LRRFIP1: variants seen among roughly 807,000 people sequenced by gnomAD.
LRRFIP1 encodes the protein leucine-rich repeat flightless-interacting protein 1.
In LRRFIP1, 62 loss-of-function variants were observed where a neutral mutation model predicts 104.4. The observed-to-expected ratio is 0.59, with a 90% confidence interval of 0.48 to 0.73. The LOEUF (loss-of-function observed/expected upper bound fraction) is 0.73, where lower values mean the gene tolerates loss of function less well. LRRFIP1 is among the 30% of genes least tolerant of loss of function. The probability of loss-of-function intolerance (pLI) is 0.00; values close to 1 mark genes in which losing one functional copy is unlikely to be tolerated. For missense variants in LRRFIP1, 796 were observed against 824.5 expected, an observed-to-expected ratio of 0.97 and a Z score of 0.42; for synonymous variants, 300 against 299.0, an observed-to-expected ratio of 1.00 and a Z score of -0.03.
chr2:237,777,049 A>C (rs1219811439), intron 23 of LRRFIP1, among the ~76,000 whole-genome samples: 1 of 152,170 alleles, frequency 6.6e-6, no homozygotes, highest in East Asian at 1.9e-4. Context: ...AAAAAAATTA[A>C]AGTTGAACAC....
chr2:237,727,992 A>G (rs926723151), intron 8 of LRRFIP1, 57 bp downstream of exon 8: 2 of 1,280,328 alleles, frequency 1.6e-6, no homozygotes, highest in African/African-American at 3.0e-5. Flanking sequence ...CAAAGCTTCT[A>G]GAACTAAAAA....
rs921505101 is a variant in LRRFIP1 at position 237,649,169 on chromosome 2, G to A, written c.96+21429G>A. ...CCAGCCTCAGAGCCCCGTTCTCTGT[G>A]ACCTGGCTGGGTCAAAGCCTGGCCC... On this transcript the variant is annotated intron_variant, in intron 1 of 23. Transcript: ENST00000308482. The surrounding 1 kb of genome is among the most constrained non-coding windows in gnomAD (Gnocchi z 4.1). Among the ~76,000 whole-genome samples the A allele has an allele frequency of 6.6e-6, 1 of 151,790 alleles. No individual in the cohort carries two copies. Among genetic ancestry groups the A allele is most frequent in the Non-Finnish European group, 1.5e-5 (1 of 67,886 alleles).
intron 1 of LRRFIP1, among the ~76,000 whole-genome samples, chr2:237,690,572 A>G (rs1298580206): frequency 6.6e-6 from 1 of 152,044 alleles, no homozygotes; most frequent in African/African-American, 2.4e-5. Flanking sequence ...CCCCGACTCT[A>G]CTAAAAATAC....
At chr2:237,652,606 A>G (rs2029770) in intron 1 of LRRFIP1, among the ~76,000 whole-genome samples, 42,496 of 152,166 alleles carry the variant, frequency 0.28, 7,634 homozygotes, top group African/African-American at 0.49. Flanking sequence ...GAAAAGACCT[A>G]AAAGCAGTGT....
intron 1 of LRRFIP1, among the ~76,000 whole-genome samples, chr2:237,679,894 C>T (rs555342051): frequency 1.3e-5 from 2 of 152,288 alleles, no homozygotes; most frequent in South Asian, 4.1e-4. Context: ...AGGCATGAGC[C>T]ACCGCGCCCA....
chr2:237,768,613 A>T (rs1336174802), intron 19 of LRRFIP1: 2 of 152,220 alleles, frequency 1.3e-5, no homozygotes, highest in African/African-American at 4.8e-5. Flanking sequence ...AACATCTGTC[A>T]GAAGTAATTT....
intron 1 of LRRFIP1, among the ~76,000 whole-genome samples, chr2:237,675,104 A>G (rs978783953): frequency 6.6e-6 from 1 of 152,200 alleles, no homozygotes; most frequent in Admixed American, 6.5e-5. Flanking sequence ...TCACACGCCC[A>G]GACACCACCC....
intron 1 of LRRFIP1, among the ~76,000 whole-genome samples, chr2:237,705,046 A>G (rs1031718619): frequency 3.3e-5 from 5 of 151,966 alleles, no homozygotes; most frequent in Admixed American, 6.6e-5. Context: ...GGGGTCTGAC[A>G]GGGCATTGTT....
chr2:237,781,264 C>T lies in LRRFIP1; in HGVS notation c.*1732C>T, dbSNP rs1297586374. ...GCAGACACGGCCGGCAGCATGCTGA[C>T]GCTTTTAGGTATTTTTCACTCATGC... is the stretch of plus-strand genomic sequence containing the variant. On this transcript the variant is annotated 3_prime_UTR_variant, in exon 24 of 24. Transcript: ENST00000308482. Among the ~76,000 whole-genome samples the T allele has an allele frequency of 1.3e-5, 2 of 152,220 alleles. No individual in the cohort carries two copies. Among genetic ancestry groups the T allele is most frequent in the Non-Finnish European group, 2.9e-5 (2 of 68,038 alleles).
intron 1 of LRRFIP1, among the ~76,000 whole-genome samples, chr2:237,655,769 A>C (rs1422146246): frequency 1.3e-5 from 2 of 152,262 alleles, no homozygotes; most frequent in Admixed American, 6.5e-5. Flanking sequence ...GTGTTGACTG[A>C]AACCCAACCA....
intron 1 of LRRFIP1, among the ~76,000 whole-genome samples, chr2:237,633,339 A>G (rs1333463407): frequency 6.6e-6 from 1 of 152,150 alleles, no homozygotes; most frequent in Non-Finnish European, 1.5e-5. Context: ...CGATTCCCAA[A>G]AGATGCTTCT....
chr2:237,749,118 T>C, intron 12 of LRRFIP1, 81 bp from the exon 13 acceptor site: 1 of 1,459,030 alleles, frequency 6.9e-7, no homozygotes, highest in Admixed American at 2.1e-5. Flanking sequence ...GTGGGGATTA[T>C]GGGGATTACA....
intron 22 of LRRFIP1, 192 bp from the exon 23 acceptor site, chr2:237,774,166 G>T: frequency 1.8e-6 from 1 of 566,740 alleles, no homozygotes; most frequent in Non-Finnish European, 3.2e-6. Flanking sequence ...GTCAGCACAG[G>T]GTCGCCCAGA....
chr2:237,721,397 T>C (rs1251203419), intron 6 of LRRFIP1: 1 of 152,314 alleles, frequency 6.6e-6, no homozygotes, highest in African/African-American at 2.4e-5. Context: ...AACACAAATA[T>C]GGACTTTTCC....
chr2:237,741,006 A>G (rs2095400427), intron 11 of LRRFIP1, among the ~76,000 whole-genome samples: 1 of 152,194 alleles, frequency 6.6e-6, no homozygotes, highest in African/African-American at 2.4e-5. Context: ...TAAGTTGCAG[A>G]CACCCACTCT....
At chr2:237,728,513 G>A (rs1486574567) in intron 8 of LRRFIP1, among the ~76,000 whole-genome samples, 2 of 150,846 alleles carry the variant, frequency 1.3e-5, no homozygotes, top group Non-Finnish European at 3.0e-5. Context: ...CCAGTGGCAG[G>A]GGCATTAGGG....
intron 1 of LRRFIP1, among the ~76,000 whole-genome samples, chr2:237,695,327 T>C (rs532099989): frequency 2.0e-5 from 3 of 152,354 alleles, no homozygotes; most frequent in South Asian, 2.1e-4. Flanking sequence ...CTGCCACTTA[T>C]GCTGAGCACA....
intron 19 of LRRFIP1, chr2:237,762,610 C>T: frequency 6.2e-7 from 1 of 1,600,746 alleles, no homozygotes; most frequent in Non-Finnish European, 8.5e-7. Flanking sequence ...TAGGAAGAGC[C>T]AGTGAAGTGG....
At chr2:237,673,762 G>T (rs968694819) in intron 1 of LRRFIP1, among the ~76,000 whole-genome samples, 12 of 152,254 alleles carry the variant, frequency 7.9e-5, no homozygotes, top group Non-Finnish European at 7.4e-5. Flanking sequence ...GACATGCTGA[G>T]GCCTGCTCTA....
Sources: allele counts gnomAD v4.1 joint callset (sites outside exome capture counted in the v4.1 genomes callset), GRCh38; gene constraint gnomAD v4.1.1; non-coding constraint Gnocchi (gnomAD v3.1); transcripts MANE v1.5; gene names NCBI Gene and HGNC (gene_info 2026-07-23, HGNC 2026-07-21).